ROPN1B: variants seen among roughly 807,000 people sequenced by gnomAD.
ROPN1B encodes ropporin-1B.
In ROPN1B, 13 loss-of-function variants were observed where a neutral mutation model predicts 23.7. The ratio of observed to expected loss-of-function variants is 0.55; its 90% CI spans 0.36 to 0.87. ROPN1B has a LOEUF of 0.87. Ranked by LOEUF, ROPN1B falls within the 40% of genes least tolerant of loss-of-function variation. ROPN1B has a pLI of 0.01. For synonymous variants in ROPN1B, 67 were observed against 100.4 expected, an observed-to-expected ratio of 0.67 and a Z score of 1.99; for missense variants, 183 against 249.2, an observed-to-expected ratio of 0.73 and a Z score of 1.79.
chr3:125,982,347 C>T lies in ROPN1B; in HGVS notation c.474C>T (p.Phe158=), dbSNP rs760854872. Residue 158 remains phenylalanine, a synonymous_variant, in exon 6 of 7, where the codon TTC becomes TTT. Transcript: ENST00000514116. ...DHNGGLPRIP[F]STFQFLYTYI... ...ATGGTGGGTTGCCCCGAATCCCATT[C>T]AGCACCTTCCAGTTTCTCTACACGT... The T allele has an allele frequency of 3.7e-6, 6 of 1,613,304 alleles. No homozygotes were observed. Among genetic ancestry groups the T allele is most frequent in the African/African-American group, 2.7e-5 (2 of 74,862 alleles).
chr3:125,974,154 A>G (rs1281630733), intron 3 of ROPN1B, among the ~76,000 whole-genome samples: 2 of 152,218 alleles, frequency 1.3e-5, no homozygotes, highest in East Asian at 1.9e-4. Context: ...CTTCTGTGGA[A>G]TGAGGTGCTG....
rs759492432 is a variant in ROPN1B, at chr3:125,982,482, C to A, written c.572+37C>A. 3 of 1,547,198 alleles carry A rather than the reference C, an allele frequency of 1.9e-6. No individual in the cohort carries two copies. The South Asian group carries it at 3.7e-5, about 19-fold the overall frequency. On this transcript the variant is annotated intron_variant, in intron 6 of 6. Coordinates refer to ENST00000514116, the MANE Select transcript of ROPN1B (RefSeq NM_001308313.2). Reference sequence around the variant, plus strand: ...TTTACCAATTGGAGGTGAAAGAATACCAGGAAAACAAATCTATGGGGCCAA... The same window carrying A: ...TTTACCAATTGGAGGTGAAAGAATAACAGGAAAACAAATCTATGGGGCCAA...
intron 5 of ROPN1B, among the ~76,000 whole-genome samples, chr3:125,980,273 G>A (rs1041373326): frequency 1.1e-4 from 17 of 152,246 alleles, no homozygotes; most frequent in African/African-American, 4.1e-4. Flanking sequence ...ATCTTACGAG[G>A]CAATAGAATT....
chr3:125,980,130 G>C (rs918626733), intron 5 of ROPN1B, among the ~76,000 whole-genome samples: 1 of 152,178 alleles, frequency 6.6e-6, no homozygotes, highest in African/African-American at 2.4e-5. Context: ...CCTCTGTGAA[G>C]TGGATCCCCA....
intron 3 of ROPN1B, among the ~76,000 whole-genome samples, chr3:125,974,502 C>G (rs1375311303): frequency 1.3e-5 from 2 of 152,128 alleles, no homozygotes; most frequent in African/African-American, 4.8e-5. Flanking sequence ...CTACCTGGAT[C>G]TGGAGGAAGT....
rs9653921 is a variant in ROPN1B, at chr3:125,975,787, A to C, written c.234+107A>C. On this transcript the variant is annotated intron_variant, in intron 4 of 6. Transcript: ENST00000514116. Reference sequence around the variant, plus strand: ...CCTGCCAGTCAGCTGACCACTTAGCACCACCCTAAAATACACTAAACCGTG... The same window carrying C: ...CCTGCCAGTCAGCTGACCACTTAGCCCCACCCTAAAATACACTAAACCGTG... 13,812 of 972,440 alleles carry C rather than the reference A, an allele frequency of 0.014. 1,030 individuals carry two copies. In the African/African-American group the frequency reaches 0.18, roughly 12 times the overall value. 60.2% of individuals were successfully genotyped at this position (972,440 alleles called of 1,614,324 possible). A position where few individuals can be genotyped will look rare whatever the true frequency, so the allele number is the denominator to read the frequency against.
chr3:125,977,522 A>G (rs955243293), intron 5 of ROPN1B: 1 of 361,616 alleles, frequency 2.8e-6, no homozygotes, highest in African/African-American at 2.1e-5. Context: ...AGACACCTAG[A>G]ATATATATCA....
At chr3:125,982,538 C>A in intron 6 of ROPN1B, 93 bp downstream of exon 6, 1 of 1,050,482 alleles carries the variant, frequency 9.5e-7, no homozygotes, top group Non-Finnish European at 1.3e-6. Flanking sequence ...TTATACTGCT[C>A]TGGGAACAGA....
chr3:125,980,628 C>T (rs1368818960), intron 5 of ROPN1B, among the ~76,000 whole-genome samples: 1 of 152,160 alleles, frequency 6.6e-6, no homozygotes, highest in Non-Finnish European at 1.5e-5. Flanking sequence ...CAATTGCATT[C>T]TCCAGTTCTG....
At chr3:125,969,755 G>A (rs543217220) in intron 1 of ROPN1B, among the ~76,000 whole-genome samples, 1 of 152,312 alleles carries the variant, frequency 6.6e-6, no homozygotes, top group African/African-American at 2.4e-5. Context: ...ACCTCTGGGT[G>A]AATTGTCATG....
At chr3:125,972,309 T>C in intron 3 of ROPN1B, 139 bp downstream of exon 3, 1 of 742,868 alleles carries the variant, frequency 1.3e-6, no homozygotes, top group Non-Finnish European at 2.2e-6. Flanking sequence ...CTTGCATTGC[T>C]TTGATGCTTT....
chr3:125,974,013 A>C (rs1019993928), intron 3 of ROPN1B, among the ~76,000 whole-genome samples: 2 of 152,180 alleles, frequency 1.3e-5, no homozygotes, highest in African/African-American at 4.8e-5. Flanking sequence ...CATGGACCTG[A>C]TCACTTGCAA....
chr3:125,983,112 G>A, intron 6 of ROPN1B, 142 bp from the exon 7 acceptor site: 1 of 653,226 alleles, frequency 1.5e-6, no homozygotes, highest in Non-Finnish European at 2.7e-6. Flanking sequence ...GGACGACAGA[G>A]CCAGACCCTG....
At chr3:125,980,845 C>T (rs539806595) in intron 5 of ROPN1B, among the ~76,000 whole-genome samples, 3 of 152,210 alleles carry the variant, frequency 2.0e-5, no homozygotes, top group African/African-American at 7.2e-5. Flanking sequence ...AGCATTCTCC[C>T]ACTCACAAGC....
intron 1 of ROPN1B, among the ~76,000 whole-genome samples, chr3:125,970,353 T>A (rs1938152432): frequency 6.6e-6 from 1 of 152,180 alleles, no homozygotes; most frequent in South Asian, 2.1e-4. Flanking sequence ...TCCAAGCCGC[T>A]CATAGAAACC....
intron 3 of ROPN1B, chr3:125,973,261 C>T (rs1362264516): frequency 2.9e-6 from 1 of 343,992 alleles, no homozygotes; most frequent in East Asian, 8.1e-5. Context: ...TGAGAAGACA[C>T]AAAATGGCAC....
At chr3:125,978,383 G>C (rs568103115) in intron 5 of ROPN1B, among the ~76,000 whole-genome samples, 1 of 152,212 alleles carries the variant, frequency 6.6e-6, no homozygotes, top group South Asian at 2.1e-4. Flanking sequence ...TTCTGATCTT[G>C]TCTACCCCAC....
At chr3:125,972,409 A>G in intron 3 of ROPN1B, 1 of 569,372 alleles carries the variant, frequency 1.8e-6, no homozygotes, top group Non-Finnish European at 3.1e-6. Context: ...CGCCAGGTCA[A>G]TAGGCCGTGT....
At chr3:125,978,790 G>T (rs1290376544) in intron 5 of ROPN1B, among the ~76,000 whole-genome samples, 1 of 152,120 alleles carries the variant, frequency 6.6e-6, no homozygotes, top group Admixed American at 6.5e-5. Context: ...GGCTCTGGTG[G>T]TCTACTTCAC....
Sources: allele counts gnomAD v4.1 joint callset (sites outside exome capture counted in the v4.1 genomes callset), GRCh38; gene constraint gnomAD v4.1.1; transcripts MANE v1.5; gene names NCBI Gene and HGNC (gene_info 2026-07-23, HGNC 2026-07-21).